Variants in ZNF81 observed in about 807,000 individuals in gnomAD.
The protein encoded by ZNF81 is zinc finger protein 81 (HFZ20).
ZNF81 carries 5 observed loss-of-function variants against 32.3 expected under a neutral mutation model. The observed-to-expected ratio is 0.15, with a 90% CI of 0.08 to 0.33. ZNF81 has a LOEUF of 0.33. ZNF81 is among the 10% of genes least tolerant of loss of function. ZNF81 has a pLI of 1.00. For missense variants in ZNF81, 379 were observed against 479.8 expected, an observed-to-expected ratio of 0.79 and a Z score of 1.96; for synonymous variants, 163 against 166.8, an observed-to-expected ratio of 0.98 and a Z score of 0.17.
chrX:47,847,428 G>A (rs1556880652), intron 2 of ZNF81, among the ~76,000 whole-genome samples: 1 of 111,911 alleles, frequency 8.9e-6, no homozygotes, highest in African/African-American at 3.2e-5. Context: ...GGGGCATAGG[G>A]GAAAACCATT....
rs2058776844 is a variant in ZNF81, at chrX:47,921,493, C to T, written c.*4861C>T. 1 of 111,036 alleles carries T rather than the reference C, an allele frequency of 9.0e-6. No individual in the cohort carries two copies. The highest frequency in any genetic ancestry group is 3.9e-4 in the South Asian group (1 of 2,554). The allele number at this position is 111,036 out of a possible 1,213,427, so 9.2% of individuals were successfully genotyped here. A position where few individuals can be genotyped will look rare whatever the true frequency, so the allele number is the denominator to read the frequency against. ...CCTAGGCATGCAGTCTTGGTCAAGG[C>T]AACTTTGGCTGGCAGTCTCTGAGAT... On this transcript the variant is annotated 3_prime_UTR_variant, in exon 5 of 5. Coordinates refer to ENST00000338637, the MANE Select transcript of ZNF81 (RefSeq NM_007137.5).
intron 2 of ZNF81, among the ~76,000 whole-genome samples, chrX:47,855,673 C>T (rs1159820275): frequency 2.7e-5 from 3 of 110,876 alleles, no homozygotes; most frequent in African/African-American, 9.9e-5. Flanking sequence ...AATTATATTG[C>T]CATTGTAAAT....
Position 47,846,309 on chromosome X carries a change from C to T in ZNF81, c.42C>T (p.Gly14=). The change falls in exon 2 of 5, where the codon GGC becomes GGT. Residue 14 remains glycine, a synonymous_variant. Transcript: ENST00000338637. ...NEDAPQPGEH[G]SACEVSVSFE... is the part of the protein sequence containing the mutation. The stretch of plus-strand genomic sequence containing the variant: ...ACGCTCCCCAGCCAGGGGAACATGG[C>T]AGTGCCTGTGAGGTGAGGAGGAGGA... 1 of 1,209,245 alleles carries T rather than the reference C, an allele frequency of 8.3e-7. No individual in the cohort carries two copies.
chrX:47,892,124 C>T (rs782722247), intron 3 of ZNF81, among the ~76,000 whole-genome samples: 1 of 111,905 alleles, frequency 8.9e-6, no homozygotes, highest in Non-Finnish European at 1.9e-5. Context: ...TTTCTTTTCT[C>T]AGGACACCAT....
At chrX:47,900,288 AAATAGACCCATT>A (rs1187065003) in intron 4 of ZNF81, among the ~76,000 whole-genome samples, 5 of 111,452 alleles carry the variant, frequency 4.5e-5, no homozygotes, top group African/African-American at 1.6e-4. Context: ...GAAAGACTAA[AAATAGACCCATT>A]AATATATAGA....
rs372850141 is a variant in ZNF81 at position 47,853,416 on chromosome X, G to A, written c.54+7095G>A. Among the ~76,000 whole-genome samples, 201 of 111,749 alleles carry A rather than the reference G, an allele frequency of 1.8e-3. 1 individual carries two copies. Among genetic ancestry groups the A allele is most frequent in the South Asian group, 0.012 (31 of 2,671 alleles). On this transcript the variant is annotated intron_variant, in intron 2 of 4. Transcript: ENST00000338637. ...AGGATGGTCTCGATCTCTTAACCTCGTGATCTGCCTGCCTTGGCCCCCCAA... is the reference window on the plus strand; with the variant it reads ...AGGATGGTCTCGATCTCTTAACCTCATGATCTGCCTGCCTTGGCCCCCCAA...
At chrX:47,885,319 T>C (rs1388702421) in intron 2 of ZNF81, among the ~76,000 whole-genome samples, 9 of 112,185 alleles carry the variant, frequency 8.0e-5, no homozygotes, top group Admixed American at 6.6e-4. Flanking sequence ...GCAAAACTTA[T>C]TGAATCTATA....
chrX:47,843,237 A>C (rs1248596135), intron 1 of ZNF81, among the ~76,000 whole-genome samples: 1 of 111,430 alleles, frequency 9.0e-6, no homozygotes, highest in Non-Finnish European at 1.9e-5. Context: ...CACTTGATGG[A>C]CATTTGGATT....
chrX:47,888,282 C>T, intron 3 of ZNF81, 157 bp downstream of exon 3: 1 of 764,628 alleles, frequency 1.3e-6, no homozygotes, highest in East Asian at 3.5e-5. Context: ...AAAATGAGAT[C>T]ATTAGGGTGG....
chrX:47,907,998 C>G (rs1461713447), intron 4 of ZNF81, among the ~76,000 whole-genome samples: 1 of 111,156 alleles, frequency 9.0e-6, no homozygotes, highest in Non-Finnish European at 1.9e-5. Flanking sequence ...TATTCATGTT[C>G]TTTTGAAGGA....
rs141530544 is a variant in ZNF81, at chrX:47,895,467, A to T, written c.182-378A>T. Among the ~76,000 whole-genome samples the T allele has an allele frequency of 5.8e-3, 650 of 111,893 alleles. 8 individuals carry two copies. Among genetic ancestry groups the T allele is most frequent in the East Asian group, 0.049 (173 of 3,526 alleles). On this transcript the variant is annotated intron_variant, in intron 3 of 4. Transcript: ENST00000338637. ...CAAAGAGTGCCAACAAACACTAGAA[A>T]CTAGAAGATGCTGAAAGGTTCTCTC...
intron 2 of ZNF81, among the ~76,000 whole-genome samples, 172 bp from the exon 3 acceptor site, chrX:47,887,827 A>G (rs1244573837): frequency 8.9e-5 from 10 of 112,107 alleles, no homozygotes; most frequent in African/African-American, 2.9e-4. Flanking sequence ...TTATGATTAG[A>G]TTTTTATATT....
rs782601650 is a variant in ZNF81 at position 47,889,473 on chromosome X, G to C, written c.181+1348G>C. 5.3e-5 allele frequency among the ~76,000 whole-genome samples: 6 copies of C among 112,332 alleles called. No individual in the cohort carries two copies. The East Asian group carries it at 1.4e-3, about 26-fold the overall frequency. On this transcript the variant is annotated intron_variant, in intron 3 of 4. Transcript: ENST00000338637. ...CCTGAAGGCACAGGCTGGGGAGATGGGGGGACCCATTGCCTCCTTAGTTTC... is the reference window on the plus strand; with the variant it reads ...CCTGAAGGCACAGGCTGGGGAGATGCGGGGACCCATTGCCTCCTTAGTTTC...
At position 47,915,075 on chromosome X, in the gene ZNF81, G is replaced by A. The variant is rs781963243; in HGVS notation, c.429G>A (p.Gln143=). 8 of 1,207,078 alleles carry A rather than the reference G, an allele frequency of 6.6e-6. No homozygotes were observed. In the South Asian group the frequency reaches 1.4e-4, roughly 21 times the overall value. The stretch of plus-strand genomic sequence containing the variant: ...ATGCTGAACAGATAAAGAGATGTCA[G>A]GAAAAACACAACAAACTTCTGAGTC... ...WQDAEQIKRC[Q]EKHNKLLSRT... is the part of the protein sequence containing the mutation. Residue 143 remains glutamine (Q), a synonymous_variant, in exon 5 of 5, where the codon CAG becomes CAA. Transcript: ENST00000338637.
At chrX:47,840,014 C>A (rs1341124295) in intron 1 of ZNF81, among the ~76,000 whole-genome samples, 2 of 110,558 alleles carry the variant, frequency 1.8e-5, no homozygotes, top group African/African-American at 6.6e-5. Flanking sequence ...TCCAGTGGGG[C>A]CCAGGGAAGC....
chrX:47,880,840 G>A (rs1556885063), intron 2 of ZNF81, among the ~76,000 whole-genome samples: 1 of 111,734 alleles, frequency 8.9e-6, no homozygotes, highest in Admixed American at 9.5e-5. Flanking sequence ...TAAAGAAAAG[G>A]AATTTATTTC....
Position 47,877,429 on chromosome X carries a change from T to C in ZNF81, c.55-10570T>C, listed in dbSNP as rs138964053. On this transcript the variant is annotated intron_variant, in intron 2 of 4. Coordinates refer to ENST00000338637, the MANE Select transcript of ZNF81 (RefSeq NM_007137.5). Reference sequence around the variant, plus strand: ...GGGGACAGAGGGACCAAGCATGTAGTGAGAGAACGCGGTGCCATGCCAGTA... The same window carrying C: ...GGGGACAGAGGGACCAAGCATGTAGCGAGAGAACGCGGTGCCATGCCAGTA... Among the ~76,000 whole-genome samples the C allele has an allele frequency of 6.4e-3, 713 of 112,050 alleles. 4 individuals carry two copies. Among genetic ancestry groups the C allele is most frequent in the African/African-American group, 0.022 (683 of 30,796 alleles).
chrX:47,848,809 C>A (rs781891267), intron 2 of ZNF81, among the ~76,000 whole-genome samples: 6 of 111,214 alleles, frequency 5.4e-5, no homozygotes, highest in African/African-American at 1.6e-4. Context: ...AAAAAAAGTC[C>A]AAAATCCCAA....
chrX:47,867,232 C>G (rs937611399), intron 2 of ZNF81, among the ~76,000 whole-genome samples: 1 of 111,533 alleles, frequency 9.0e-6, no homozygotes, highest in Non-Finnish European at 1.9e-5. Flanking sequence ...ACCTGCACAT[C>G]CTGCACAGGT....
Sources: allele counts gnomAD v4.1 joint callset (sites outside exome capture counted in the v4.1 genomes callset), GRCh38; gene constraint gnomAD v4.1.1; transcripts MANE v1.5; gene names NCBI Gene and HGNC (gene_info 2026-07-23, HGNC 2026-07-21).